Variants in MYO1H observed in about 807,000 individuals in gnomAD.
The protein encoded by MYO1H is unconventional myosin-Ih.
Under a neutral mutation model 149.3 loss-of-function variants are expected in MYO1H, and 118 were observed. The ratio of observed to expected loss-of-function variants is 0.79; its 90% CI spans 0.68 to 0.92. The LOEUF (loss-of-function observed/expected upper bound fraction) is 0.92, where lower values mean the gene tolerates loss of function less well. Ranked by LOEUF, MYO1H falls within the 40% of genes least tolerant of loss-of-function variation. The pLI, the probability that MYO1H is intolerant of heterozygous loss-of-function variation, is 0.00. For synonymous variants in MYO1H, 447 were observed against 465.2 expected (o/e 0.96, Z 0.50); for missense variants, 1,212 against 1,280.7 (o/e 0.95, Z 0.82).
chr12:109,432,498 G>T (rs1386805237), intron 19 of MYO1H, among the ~76,000 whole-genome samples: 1 of 152,140 alleles, frequency 6.6e-6, no homozygotes, highest in African/African-American at 2.4e-5. Flanking sequence ...TGGACATCTG[G>T]GTTGTTTCCA....
At chr12:109,315,024 C>T in the MYO1H span, among the ~76,000 whole-genome samples, 1 of 152,148 alleles carries the variant, frequency 6.6e-6, no homozygotes, top group East Asian at 1.9e-4. Context: ...ATCGCTTGAG[C>T]CCGGAAGGCA....
chr12:109,420,030 G>A (rs1871106210), intron 15 of MYO1H, among the ~76,000 whole-genome samples: 1 of 152,194 alleles, frequency 6.6e-6, no homozygotes, highest in African/African-American at 2.4e-5. Flanking sequence ...GGTACCACCA[G>A]CCATGGTGCT....
At chr12:109,358,187 G>A (rs1868651670) in intron 1 of MYO1H, among the ~76,000 whole-genome samples, 1 of 151,696 alleles carries the variant, frequency 6.6e-6, no homozygotes, top group Non-Finnish European at 1.5e-5. Context: ...ATTACCAGAA[G>A]CAAATGTAAT....
At chr12:109,426,035 C>T (rs376635358) in exon 18 of MYO1H, 14 of 1,613,040 alleles carry the variant, frequency 8.7e-6, no homozygotes, top group East Asian at 4.5e-5. Flanking sequence ...TCAAGCCCAA[C>T]GACAGGAAAG....
chr12:109,385,600 C>A (rs1418998553), intron 1 of MYO1H, among the ~76,000 whole-genome samples: 1 of 152,168 alleles, frequency 6.6e-6, no homozygotes, highest in Non-Finnish European at 1.5e-5. Flanking sequence ...AGCCTGAAAT[C>A]ACTAAAATAT....
chr12:109,397,882 G>T (rs1476900971), intron 5 of MYO1H, 70 bp downstream of exon 5: 22 of 1,203,276 alleles, frequency 1.8e-5, no homozygotes, highest in South Asian at 4.7e-5. Flanking sequence ...CCAAGCCAAG[G>T]CCCCTTAAGG....
the MYO1H span, among the ~76,000 whole-genome samples, chr12:109,327,156 A>G: frequency 1.1e-4 from 11 of 102,634 alleles, no homozygotes; most frequent in South Asian, 3.2e-3. Context: ...TTTTTGAGAC[A>G]GAGTCTCCCT....
chr12:109,442,295 T>C, intron 27 of MYO1H, 23 bp downstream of exon 27: 1 of 1,608,666 alleles, frequency 6.2e-7, no homozygotes, highest in Non-Finnish European at 8.5e-7. Context: ...GTGTCCTCAG[T>C]CTCAAACAGG....
the MYO1H span, among the ~76,000 whole-genome samples, chr12:109,331,107 AG>A: frequency 6.6e-6 from 1 of 152,244 alleles, no homozygotes; most frequent in Admixed American, 6.5e-5. Flanking sequence ...ACTGTAGAGC[AG>A]GCAATCCTTC....
chr12:109,406,168 A>G, intron 8 of MYO1H, 133 bp downstream of exon 8: 1 of 636,712 alleles, frequency 1.6e-6, no homozygotes, highest in South Asian at 1.9e-5. Context: ...TAGGAGGTTT[A>G]AAGAGTGGGG....
chr12:109,364,421 G>T (rs942577373), intron 1 of MYO1H, among the ~76,000 whole-genome samples: 1 of 151,942 alleles, frequency 6.6e-6, no homozygotes, highest in Non-Finnish European at 1.5e-5. Flanking sequence ...CTCAAACTCG[G>T]GGGCTCAATC....
intron 1 of MYO1H, among the ~76,000 whole-genome samples, chr12:109,349,960 T>TGA (rs1287836185): frequency 1.0e-4 from 7 of 70,142 alleles, no homozygotes; most frequent in Non-Finnish European, 2.7e-5. Flanking sequence ...GACTCTGTCT[T>TGA]GAAAAAAAAA....
chr12:109,409,205 T>A (rs1213082054), intron 10 of MYO1H, among the ~76,000 whole-genome samples: 7 of 134,052 alleles, frequency 5.2e-5, no homozygotes, highest in Non-Finnish European at 1.0e-4. Context: ...CTCCTTCTCC[T>A]TCTTCTTCTC....
At chr12:109,333,495 TC>T in the MYO1H span, among the ~76,000 whole-genome samples, 12 of 152,220 alleles carry the variant, frequency 7.9e-5, no homozygotes, top group East Asian at 2.3e-3. Context: ...TCTTTCTCTC[TC>T]CATCTTTGCC....
chr12:109,419,176 C>G (rs1452547289), intron 15 of MYO1H, among the ~76,000 whole-genome samples: 1 of 142,334 alleles, frequency 7.0e-6, no homozygotes, highest in Non-Finnish European at 1.5e-5. Context: ...CTGCATATAC[C>G]TATGTGAGGA....
intron 1 of MYO1H, among the ~76,000 whole-genome samples, chr12:109,379,942 A>G (rs1869168036): frequency 6.6e-6 from 1 of 152,098 alleles, no homozygotes; most frequent in Admixed American, 6.6e-5. Flanking sequence ...CATGTTGGCC[A>G]GCATGGTGTC....
At chr12:109,374,098 A>C (rs1203241445) in intron 1 of MYO1H, among the ~76,000 whole-genome samples, 1 of 152,236 alleles carries the variant, frequency 6.6e-6, no homozygotes, top group Non-Finnish European at 1.5e-5. Context: ...CTGTTCTTTG[A>C]GATTGAACCA....
chr12:109,361,422 A>T (rs890298148), intron 1 of MYO1H, among the ~76,000 whole-genome samples: 7 of 152,314 alleles, frequency 4.6e-5, no homozygotes, highest in Middle Eastern at 3.4e-3. Context: ...AAAAAAACTT[A>T]AAAAAATCAA....
intron 9 of MYO1H, 114 bp downstream of exon 9, chr12:109,406,974 G>C: frequency 1.2e-6 from 1 of 853,448 alleles, no homozygotes; most frequent in East Asian, 2.5e-5. Context: ...TAGCTCACCA[G>C]GCCCTGCGTG....
Sources: allele counts gnomAD v4.1 joint callset (sites outside exome capture counted in the v4.1 genomes callset), GRCh38; gene constraint gnomAD v4.1.1; transcripts MANE v1.5; gene names NCBI Gene and HGNC (gene_info 2026-07-23, HGNC 2026-07-21).